The following ERBB4 variants were observed in gnomAD, a reference collection of about 807,000 sequenced individuals.
ERBB4 encodes erb-b2 receptor tyrosine kinase 4.
A neutral mutation model predicts 158.0 loss-of-function variants in ERBB4; 42 were observed. The ratio of observed to expected loss-of-function variants is 0.27; its 90% CI spans 0.21 to 0.34. ERBB4 has a LOEUF of 0.34. ERBB4 is among the 10% of genes least tolerant of loss of function. The probability of loss-of-function intolerance (pLI) is 1.00; values close to 1 mark genes in which losing one functional copy is unlikely to be tolerated. For synonymous variants in ERBB4, 583 were observed against 558.7 expected (o/e 1.04, Z -0.61); for missense variants, 1,333 against 1,624.1 (o/e 0.82, Z 3.08).
chr2:212,394,916 T>G (rs527687981), intron 1 of ERBB4, among the ~76,000 whole-genome samples: 1 of 152,240 alleles, frequency 6.6e-6, no homozygotes, highest in South Asian at 2.1e-4. Flanking sequence ...AGGAGAAGAA[T>G]TGGATCAAAT....
intron 1 of ERBB4, among the ~76,000 whole-genome samples, chr2:212,368,531 T>C (rs1197647793): frequency 6.6e-6 from 1 of 151,966 alleles, no homozygotes; most frequent in Non-Finnish European, 1.5e-5. Context: ...ATTAAAGAAC[T>C]TACTCATGTA....
chr2:212,403,731 T>TG (rs2106468974), intron 1 of ERBB4, among the ~76,000 whole-genome samples: 1 of 152,066 alleles, frequency 6.6e-6, no homozygotes, highest in African/African-American at 2.4e-5. Flanking sequence ...ACTAGGGGCT[T>TG]GGGGAAATGG....
chr2:211,949,279 C>G (rs776433111), intron 2 of ERBB4, among the ~76,000 whole-genome samples: 11 of 152,124 alleles, frequency 7.2e-5, no homozygotes, highest in Non-Finnish European at 1.6e-4. Context: ...TACAACACTT[C>G]AGTGCTTAAA....
intron 20 of ERBB4, among the ~76,000 whole-genome samples, chr2:211,515,912 A>ATATATAT (rs35696520): frequency 1.1e-3 from 89 of 78,986 alleles, no homozygotes; most frequent in African/African-American, 5.0e-3. Context: ...ATATATATAT[A>ATATATAT]TTTTTTTTTT....
At chr2:212,034,145 T>TA (rs906947097) in intron 2 of ERBB4, among the ~76,000 whole-genome samples, 11 of 151,592 alleles carry the variant, frequency 7.3e-5, no homozygotes, top group African/African-American at 1.9e-4. Flanking sequence ...TTACCCATAT[T>TA]AAAAAAAACC....
intron 1 of ERBB4, among the ~76,000 whole-genome samples, chr2:212,217,257 T>A (rs1304828239): frequency 1.3e-5 from 2 of 151,302 alleles, no homozygotes; most frequent in African/African-American, 2.4e-5. Context: ...GGGTCTTCTG[T>A]GGAACTGATC....
chr2:211,561,793 C>T lies in ERBB4; in HGVS notation c.2487+110G>A, dbSNP rs1446341532. The stretch of plus-strand genomic sequence containing the variant: ...TGTATCTTTCATTGCAGCAAATATA[C>T]TTTATTTTATTTAAATGGGAAGACA... On this transcript the variant is annotated intron_variant, in intron 20 of 27. Transcript: ENST00000342788. 9.0e-6 allele frequency: 9 copies of T among 997,178 alleles called. No homozygotes were observed. In the South Asian group the frequency reaches 1.2e-4, roughly 13 times the overall value. The allele number at this position is 997,178 out of a possible 1,614,324, so 61.8% of individuals were successfully genotyped here. A position where few individuals can be genotyped will look rare whatever the true frequency, so the allele number is the denominator to read the frequency against.
intron 18 of ERBB4, among the ~76,000 whole-genome samples, chr2:211,619,816 G>T (rs1176868312): frequency 6.6e-6 from 1 of 152,064 alleles, no homozygotes; most frequent in Non-Finnish European, 1.5e-5. Flanking sequence ...GAATATTTAA[G>T]ATTTATTTTT....
chr2:212,120,775 T>G (rs1331783885), intron 2 of ERBB4, among the ~76,000 whole-genome samples: 32 of 152,182 alleles, frequency 2.1e-4, no homozygotes. Context: ...TGGGTCACTC[T>G]TAGAGGAAGG....
chr2:211,548,448 C>T (rs946104525), intron 20 of ERBB4, among the ~76,000 whole-genome samples: 1 of 151,996 alleles, frequency 6.6e-6, no homozygotes, highest in African/African-American at 2.4e-5. Context: ...AATTCATAAG[C>T]TCATTTAAAA....
chr2:211,874,487 AT>A (rs1473190933), intron 3 of ERBB4, among the ~76,000 whole-genome samples: 1 of 152,148 alleles, frequency 6.6e-6, no homozygotes, highest in African/African-American at 2.4e-5. Flanking sequence ...CAAATAATGA[AT>A]TTTAAAGGAC....
chr2:211,793,775 C>T (rs951131197), intron 3 of ERBB4, among the ~76,000 whole-genome samples: 3 of 151,900 alleles, frequency 2.0e-5, no homozygotes, highest in Non-Finnish European at 4.4e-5. Context: ...ATTGCTGCTA[C>T]CCCACTGGGT....
chr2:212,412,535 T>C (rs1373434871), intron 1 of ERBB4, among the ~76,000 whole-genome samples: 2 of 152,180 alleles, frequency 1.3e-5, no homozygotes, highest in Non-Finnish European at 2.9e-5. Context: ...GCTGAGCAGA[T>C]GCCAGTGCTA....
intron 2 of ERBB4, among the ~76,000 whole-genome samples, chr2:212,000,780 G>A (rs1431634059): frequency 1.3e-5 from 2 of 151,464 alleles, no homozygotes; most frequent in Non-Finnish European, 3.0e-5. Flanking sequence ...TATTTTAATT[G>A]GATATTATAG....
chr2:212,240,664 A>C (rs1430410989), intron 1 of ERBB4, among the ~76,000 whole-genome samples: 2 of 148,132 alleles, frequency 1.4e-5, no homozygotes, highest in African/African-American at 5.0e-5. Flanking sequence ...AAAAAAAAAA[A>C]AAACAGAAAA....
chr2:212,162,680 A>G (rs1443140110), intron 1 of ERBB4, among the ~76,000 whole-genome samples: 1 of 151,956 alleles, frequency 6.6e-6, no homozygotes, highest in Non-Finnish European at 1.5e-5. Flanking sequence ...CAAAAAATGA[A>G]ACAGGATAAT....
intron 2 of ERBB4, among the ~76,000 whole-genome samples, chr2:212,054,865 C>T (rs1458628293): frequency 6.6e-6 from 1 of 152,182 alleles, no homozygotes; most frequent in East Asian, 1.9e-4. Flanking sequence ...CTACAGCTCC[C>T]AGCGTGAGCA....
intron 12 of ERBB4, among the ~76,000 whole-genome samples, chr2:211,699,825 T>C (rs2073165344): frequency 6.6e-6 from 1 of 152,210 alleles, no homozygotes; most frequent in Non-Finnish European, 1.5e-5. Context: ...CTTTTGGTCA[T>C]TTGAAATGTT....
chr2:212,090,585 A>G (rs2078744641), intron 2 of ERBB4, among the ~76,000 whole-genome samples: 2 of 152,070 alleles, frequency 1.3e-5, no homozygotes, highest in African/African-American at 4.8e-5. Flanking sequence ...ATAACTGATC[A>G]CTCATTTAGA....
Sources: allele counts gnomAD v4.1 joint callset (sites outside exome capture counted in the v4.1 genomes callset), GRCh38; gene constraint gnomAD v4.1.1; transcripts MANE v1.5; gene names NCBI Gene and HGNC (gene_info 2026-07-23, HGNC 2026-07-21).